VMP1: variants seen among roughly 807,000 people sequenced by gnomAD.
The protein encoded by VMP1 is ectopic P-granules autophagy protein 3 homolog.
VMP1 carries 11 observed loss-of-function variants against 56.0 expected under a neutral mutation model. That is an observed-to-expected ratio of 0.20 (90% CI 0.12 to 0.32). VMP1 has a LOEUF of 0.32. VMP1 is among the 10% of genes least tolerant of loss of function. VMP1 has a pLI of 1.00. For missense variants in VMP1, 296 were observed against 490.3 expected (o/e 0.60, Z 3.74); for synonymous variants, 149 against 165.0 (o/e 0.90, Z 0.74).
chr17:59,759,492 A>G (rs1390435349), intron 5 of VMP1, among the ~76,000 whole-genome samples: 1 of 152,222 alleles, frequency 6.6e-6, no homozygotes, highest in Non-Finnish European at 1.5e-5. Context: ...CACATTTAGA[A>G]TTGGTCTGAC....
intron 2 of VMP1, among the ~76,000 whole-genome samples, chr17:59,733,104 A>T (rs1343043696): frequency 6.6e-6 from 1 of 152,110 alleles, no homozygotes; most frequent in Non-Finnish European, 1.5e-5. Flanking sequence ...AGGTGAGAGT[A>T]TCGATTTAGC....
intron 7 of VMP1, among the ~76,000 whole-genome samples, chr17:59,777,853 C>CAAAACA (rs1270452093): frequency 6.9e-6 from 1 of 145,616 alleles, no homozygotes; most frequent in Non-Finnish European, 1.5e-5. Flanking sequence ...CAAAACAAAA[C>CAAAACA]AAAAAAACAA....
In VMP1 at chr17:59,835,089, T is replaced by G. The variant is rs1422492454; in HGVS notation, c.975-3206T>G. Among the ~76,000 whole-genome samples, 4 of 152,084 alleles carry G rather than the reference T, an allele frequency of 2.6e-5. No individual in the cohort carries two copies. The East Asian group carries it at 7.7e-4, about 29-fold the overall frequency. On this transcript the variant is annotated intron_variant, in intron 10 of 11. Transcript: ENST00000262291. ...TTTTGTCTTTTTGGTAGAGACAGGGTTTCACCATGTTGGCCAGGCTGTTTT... is the reference window on the plus strand; with the variant it reads ...TTTTGTCTTTTTGGTAGAGACAGGGGTTCACCATGTTGGCCAGGCTGTTTT...
chr17:59,793,129 C>T lies in VMP1; in HGVS notation c.715-15667C>T, dbSNP rs112253644. On this transcript the variant is annotated intron_variant, in intron 7 of 11. Coordinates refer to ENST00000262291, the MANE Select transcript of VMP1 (RefSeq NM_030938.5). ...CCGAGTTCAAGCAATTCTCCTGCCTCGGCCTTCCAACGTGCTAGGATTACA... is the reference window on the plus strand; with the variant it reads ...CCGAGTTCAAGCAATTCTCCTGCCTTGGCCTTCCAACGTGCTAGGATTACA... 8.7e-3 allele frequency among the ~76,000 whole-genome samples: 970 copies of T among 111,894 alleles called. 133 individuals carry two copies. Among genetic ancestry groups the T allele is most frequent in the African/African-American group, 0.024 (927 of 38,090 alleles). 73.4% of individuals were successfully genotyped at this position (111,894 alleles called of 152,430 possible). A position where few individuals can be genotyped will look rare whatever the true frequency, so the allele number is the denominator to read the frequency against.
In VMP1 at chr17:59,821,193, A is replaced by G. The variant is rs558451373; in HGVS notation, c.974+3420A>G. ...CACGGTGTTAGCCAGGATGGTCTCGATCTCCTGACCTCATGATCCGCCTGC... is the reference window on the plus strand; with the variant it reads ...CACGGTGTTAGCCAGGATGGTCTCGGTCTCCTGACCTCATGATCCGCCTGC... On this transcript the variant is annotated intron_variant, in intron 10 of 11. Coordinates refer to ENST00000262291, the MANE Select transcript of VMP1 (RefSeq NM_030938.5). Among the ~76,000 whole-genome samples the G allele has an allele frequency of 1.1e-4, 16 of 151,852 alleles. 1 individual carries two copies. The South Asian group carries it at 3.3e-3, about 32-fold the overall frequency.
intron 1 of VMP1, among the ~76,000 whole-genome samples, chr17:59,714,751 C>A (rs138012243): frequency 0.01 from 1,534 of 152,176 alleles, 8 homozygotes; most frequent in Middle Eastern, 0.017. Flanking sequence ...CTCTCTGCAA[C>A]CTTGACCTCC....
intron 7 of VMP1, among the ~76,000 whole-genome samples, chr17:59,794,546 T>TTTTC: frequency 1.3e-5 from 1 of 77,646 alleles, no homozygotes; most frequent in Non-Finnish European, 2.8e-5. Context: ...TTTTTTTTTT[T>TTTTC]TTTTTAACGA....
chr17:59,814,466 G>T (rs796832561), intron 9 of VMP1, among the ~76,000 whole-genome samples: 3 of 152,162 alleles, frequency 2.0e-5, no homozygotes, highest in Non-Finnish European at 4.4e-5. Context: ...TTGACTTCAA[G>T]TTCAGTGTTC....
chr17:59,793,989 C>T (rs1259958496), intron 7 of VMP1, among the ~76,000 whole-genome samples: 6 of 151,504 alleles, frequency 4.0e-5, no homozygotes, highest in African/African-American at 7.3e-5. Flanking sequence ...GGCACAATCT[C>T]GGTTCACTGC....
intron 7 of VMP1, among the ~76,000 whole-genome samples, chr17:59,774,702 AT>A (rs1215062425): frequency 1.3e-5 from 2 of 151,350 alleles, no homozygotes; most frequent in African/African-American, 4.9e-5. Context: ...TTTGTTTTTG[AT>A]TTAGGGTCTC....
At chr17:59,816,252 A>G (rs147870537) in intron 9 of VMP1, among the ~76,000 whole-genome samples, 109 of 152,334 alleles carry the variant, frequency 7.2e-4, no homozygotes, top group African/African-American at 2.4e-3. Flanking sequence ...GATAGTAGGG[A>G]AAGTTCATGG....
At chr17:59,720,798 A>C (rs1568020175) in intron 1 of VMP1, among the ~76,000 whole-genome samples, 1 of 151,278 alleles carries the variant, frequency 6.6e-6, no homozygotes, top group Non-Finnish European at 1.5e-5. Flanking sequence ...ACGTGGTGAA[A>C]CTCCGTCTCT....
chr17:59,804,492 G>A (rs1031467185), intron 7 of VMP1, among the ~76,000 whole-genome samples: 4 of 151,634 alleles, frequency 2.6e-5, no homozygotes, highest in Non-Finnish European at 4.4e-5. Flanking sequence ...GTGTGTGCCT[G>A]TAGTCCCAGC....
chr17:59,767,947 A>G (rs552212452), intron 6 of VMP1, among the ~76,000 whole-genome samples: 208 of 150,338 alleles, frequency 1.4e-3, no homozygotes, highest in African/African-American at 4.8e-3. Flanking sequence ...CATCTCTACT[A>G]AAAATACAAA....
intron 5 of VMP1, among the ~76,000 whole-genome samples, chr17:59,750,671 T>C (rs2035606133): frequency 6.6e-6 from 1 of 152,164 alleles, no homozygotes; most frequent in African/African-American, 2.4e-5. Context: ...TTTATCTTTA[T>C]AGTGAGGTAT....
chr17:59,714,015 T>C (rs57882943), intron 1 of VMP1, among the ~76,000 whole-genome samples: 1 of 133,982 alleles, frequency 7.5e-6, no homozygotes, highest in East Asian at 2.2e-4. Flanking sequence ...CACTCCAACC[T>C]GCGCAACTGA....
At chr17:59,710,738 C>A (rs927175867) in intron 1 of VMP1, among the ~76,000 whole-genome samples, 2 of 152,106 alleles carry the variant, frequency 1.3e-5, no homozygotes, top group African/African-American at 2.4e-5. Context: ...GACGGAGGAG[C>A]CTTAACACGT....
chr17:59,715,504 C>T (rs1467464626), intron 1 of VMP1, among the ~76,000 whole-genome samples: 2 of 152,152 alleles, frequency 1.3e-5, no homozygotes, highest in Admixed American at 6.5e-5. Flanking sequence ...CCCCCATGAT[C>T]CAATCACCTC....
intron 10 of VMP1, among the ~76,000 whole-genome samples, chr17:59,836,054 T>C (rs922655690): frequency 2.0e-5 from 3 of 151,074 alleles, no homozygotes; most frequent in Non-Finnish European, 4.4e-5. Flanking sequence ...AGTGAGAGGC[T>C]AGTCTGAAGG....
Sources: allele counts gnomAD v4.1 joint callset (sites outside exome capture counted in the v4.1 genomes callset), GRCh38; gene constraint gnomAD v4.1.1; transcripts MANE v1.5; gene names NCBI Gene and HGNC (gene_info 2026-07-23, HGNC 2026-07-21).